Variants in CCDC171 observed in about 807,000 individuals in gnomAD.
CCDC171 encodes coiled-coil domain containing 171.
In CCDC171, 177 loss-of-function variants were observed where a neutral mutation model predicts 168.2. That is an observed-to-expected ratio of 1.05 (90% CI 0.93 to 1.19). The LOEUF (loss-of-function observed/expected upper bound fraction) is 1.19. CCDC171 is among the 50% of genes most tolerant of loss of function. The probability of loss-of-function intolerance (pLI) is 0.00; values close to 1 mark genes in which losing one functional copy is unlikely to be tolerated. For missense variants in CCDC171, 1,991 were observed against 1,539.0 expected, an observed-to-expected ratio of 1.29 and a Z score of -4.91; for synonymous variants, 687 against 540.8, an observed-to-expected ratio of 1.27 and a Z score of -3.75.
At chr9:15,558,776 T>C (rs1428941021) in intron 1 of CCDC171, among the ~76,000 whole-genome samples, 2 of 152,164 alleles carry the variant, frequency 1.3e-5, no homozygotes, top group African/African-American at 2.4e-5. Context: ...TTCTGCTAGC[T>C]TTTGAATGTG....
intron 6 of CCDC171, among the ~76,000 whole-genome samples, chr9:15,609,679 C>T (rs2043507439): frequency 6.6e-6 from 1 of 152,102 alleles, no homozygotes; most frequent in South Asian, 2.1e-4. Flanking sequence ...TGTTCTGTTT[C>T]ACTTACATGT....
At chr9:15,636,826 G>A (rs2132431571) in intron 7 of CCDC171, among the ~76,000 whole-genome samples, 1 of 150,120 alleles carries the variant, frequency 6.7e-6, no homozygotes, top group East Asian at 2.0e-4. Flanking sequence ...TCACTTAGAA[G>A]TCACTTAAGG....
At chr9:15,876,066 A>G (rs1817800514) in intron 24 of CCDC171, 1 of 152,118 alleles carries the variant, frequency 6.6e-6, no homozygotes, top group Non-Finnish European at 1.5e-5. Context: ...ATTTACAAGT[A>G]AAGACTTCCT....
intron 18 of CCDC171, among the ~76,000 whole-genome samples, chr9:15,773,588 A>G (rs879257310): frequency 1.3e-5 from 2 of 152,236 alleles, no homozygotes; most frequent in Non-Finnish European, 2.9e-5. Flanking sequence ...TGTTAAATGT[A>G]ACAAGCCAAA....
chr9:15,988,305 C>T (rs554951238), intron 3 of CCDC171, among the ~76,000 whole-genome samples: 2 of 152,278 alleles, frequency 1.3e-5, no homozygotes, highest in East Asian at 1.9e-4. Context: ...CATCAGAAAC[C>T]CTTGAGGGAC....
At chr9:15,992,099 T>A (rs1832219747) in intron 3 of CCDC171, among the ~76,000 whole-genome samples, 1 of 152,214 alleles carries the variant, frequency 6.6e-6, no homozygotes, top group African/African-American at 2.4e-5. Flanking sequence ...ATCATCCTGA[T>A]ACCAAAGCCT....
At chr9:16,086,282 A>G in the CCDC171 span, among the ~76,000 whole-genome samples, 1 of 150,494 alleles carries the variant, frequency 6.6e-6, no homozygotes, top group Non-Finnish European at 1.5e-5. Context: ...TTGTATTTCT[A>G]TGGGATCAGT....
chr9:16,087,613 C>T, the CCDC171 span, among the ~76,000 whole-genome samples: 40 of 139,268 alleles, frequency 2.9e-4, no homozygotes, highest in African/African-American at 1.1e-3. Flanking sequence ...TTCCTCCATC[C>T]CTTTATTTTG....
chr9:15,590,190 A>G (rs1467184775), intron 4 of CCDC171, among the ~76,000 whole-genome samples: 1 of 152,166 alleles, frequency 6.6e-6, no homozygotes, highest in East Asian at 1.9e-4. Flanking sequence ...TCTTCTGGAG[A>G]TGGCAGCTGA....
At chr9:16,088,586 A>C in the CCDC171 span, among the ~76,000 whole-genome samples, 1 of 152,208 alleles carries the variant, frequency 6.6e-6, no homozygotes, top group Non-Finnish European at 1.5e-5. Context: ...ACAGAGACCA[A>C]ATCATGAGTG....
At chr9:15,744,908 T>A in intron 17 of CCDC171, 131 bp downstream of exon 17, 1 of 825,674 alleles carries the variant, frequency 1.2e-6, no homozygotes, top group Non-Finnish European at 1.8e-6. Flanking sequence ...AGTCTCCATA[T>A]GTACGTATAT....
At chr9:15,566,195 G>GT (rs77870058) in intron 2 of CCDC171, among the ~76,000 whole-genome samples, 14,401 of 144,882 alleles carry the variant, frequency 0.099, 795 homozygotes, top group Middle Eastern at 0.17. Flanking sequence ...TTTAAATTGT[G>GT]TTTTTTTTTT....
chr9:15,690,863 A>T (rs1186855788), intron 10 of CCDC171, among the ~76,000 whole-genome samples: 3 of 152,172 alleles, frequency 2.0e-5, no homozygotes, highest in African/African-American at 7.2e-5. Context: ...CACAGAAAAA[A>T]ATACAGATGG....
At chr9:15,624,668 T>C (rs575419556) in intron 7 of CCDC171, among the ~76,000 whole-genome samples, 1 of 152,342 alleles carries the variant, frequency 6.6e-6, no homozygotes, top group East Asian at 1.9e-4. Flanking sequence ...CTGCATAGTA[T>C]TCCATGGTGT....
Position 15,777,746 on chromosome 9 carries a change from G to C in CCDC171, c.2818G>C (p.Val940Leu), listed in dbSNP as rs2057408902. Residue 940 changes from valine to leucine, a missense_variant, in exon 19 of 26, where the codon GTT becomes CTT. Val to Leu is a conservative substitution (Grantham distance 32, BLOSUM62 1). Transcript: ENST00000380701. ...TACATATGTAGAAAAAGATTCCCTGGTTCAGAGGCTGGCCCATGGACTTCA... is the reference window on the plus strand; with the variant it reads ...TACATATGTAGAAAAAGATTCCCTGCTTCAGAGGCTGGCCCATGGACTTCA... The part of the protein sequence containing the change: ...SITYVEKDSL[V>L]QRLAHGLHKV... 1 of 1,613,964 alleles carries C rather than the reference G, an allele frequency of 6.2e-7. No individual in the cohort carries two copies. Among genetic ancestry groups the C allele is most frequent in the Non-Finnish European group, 8.5e-7 (1 of 1,180,006 alleles).
At chr9:16,101,879 T>C in the CCDC171 span, among the ~76,000 whole-genome samples, 4 of 152,180 alleles carry the variant, frequency 2.6e-5, no homozygotes, top group Non-Finnish European at 4.4e-5. Context: ...TCGGACAAGA[T>C]GGCAGGCCTG....
chr9:15,943,124 C>T (rs1239828041), intron 25 of CCDC171, among the ~76,000 whole-genome samples: 1 of 151,952 alleles, frequency 6.6e-6, no homozygotes. Context: ...AAGAATGGTT[C>T]TATATTACAT....
intron 21 of CCDC171, among the ~76,000 whole-genome samples, chr9:15,833,966 G>C (rs2060338739): frequency 1.3e-5 from 2 of 152,042 alleles, no homozygotes; most frequent in South Asian, 2.1e-4. Context: ...TTCTCTCTTA[G>C]AAAAATTATT....
At chr9:15,950,701 A>C (rs577695889) in intron 25 of CCDC171, among the ~76,000 whole-genome samples, 3 of 152,150 alleles carry the variant, frequency 2.0e-5, no homozygotes, top group Non-Finnish European at 4.4e-5. Context: ...GAGACTAGGA[A>C]GACACTGCAT....
Sources: gnomAD v4.1 joint callset for allele counts (sites outside exome capture counted in the v4.1 genomes callset) on GRCh38, gnomAD v4.1.1 for gene constraint, MANE v1.5 for transcripts, NCBI Gene and HGNC (gene_info 2026-07-23, HGNC 2026-07-21) for gene names.